ADAMTS16: variants seen among roughly 807,000 people sequenced by gnomAD.
ADAMTS16 encodes the protein A disintegrin and metalloproteinase with thrombospondin motifs 16.
A neutral mutation model predicts 145.8 loss-of-function variants in ADAMTS16; 94 were observed. That is an observed-to-expected ratio of 0.64 (90% CI 0.55 to 0.77). The LOEUF (loss-of-function observed/expected upper bound fraction) is 0.77, where lower values mean the gene tolerates loss of function less well. Among genes scored for constraint, ADAMTS16 ranks in the 30% least tolerant of loss-of-function variants. The probability of loss-of-function intolerance (pLI) is 0.00; values close to 1 mark genes in which losing one functional copy is unlikely to be tolerated. For synonymous variants in ADAMTS16, 659 were observed against 604.3 expected (o/e 1.09, Z -1.33); for missense variants, 1,585 against 1,591.5 (o/e 1.00, Z 0.07).
At chr5:5,223,847 G>C (rs1405141151) in intron 11 of ADAMTS16, 1 of 150,480 alleles carries the variant, frequency 6.6e-6, no homozygotes, top group Non-Finnish European at 1.5e-5. Flanking sequence ...AACTATTTTT[G>C]CTTTTTATGT....
chr5:5,241,349 G>A (rs1737285741), intron 16 of ADAMTS16, among the ~76,000 whole-genome samples: 1 of 152,216 alleles, frequency 6.6e-6, no homozygotes, highest in African/African-American at 2.4e-5. Context: ...GAAATGTAGA[G>A]TCCAAACCCA....
At chr5:5,284,119 C>T (rs4266372) in intron 18 of ADAMTS16, among the ~76,000 whole-genome samples, 148,133 of 152,298 alleles carry the variant, frequency 0.97, 72,173 homozygotes, top group East Asian at 1. Flanking sequence ...TTAGAAAACA[C>T]ACCATATATT....
Position 5,182,171 on chromosome 5 carries a change from A to T in ADAMTS16, c.629A>T (p.Glu210Val), listed in dbSNP as rs1428642740. The T allele has an allele frequency of 6.2e-7, 1 of 1,614,016 alleles. No homozygotes were observed. Among genetic ancestry groups the T allele is most frequent in the Non-Finnish European group, 8.5e-7 (1 of 1,180,036 alleles). ...CACGTACTGTACAAGAGATCCACAG[A>T]GCCCCATGCTCCTGGGGCCAGTGAG... is the stretch of plus-strand genomic sequence containing the variant. The part of the protein sequence containing the change: ...PSHVLYKRST[E>V]PHAPGASEVL... The change falls in exon 4 of 23, where the codon GAG (glutamate) becomes GTG (valine). Residue 210 changes from glutamate (E) to valine (V), a missense_variant. Glu to Val is a moderately radical substitution (Grantham distance 121). Transcript: ENST00000274181.
At chr5:5,301,874 G>A (rs568784758) in intron 18 of ADAMTS16, among the ~76,000 whole-genome samples, 6 of 152,296 alleles carry the variant, frequency 3.9e-5, no homozygotes, top group South Asian at 2.1e-4. Flanking sequence ...GCAGAGCCTC[G>A]CAGGCGACCC....
rs144922795 is a variant in ADAMTS16 at position 5,187,717 on chromosome 5, T to A, written c.964-8T>A. Reference sequence around the variant, plus strand: ...ATGGGGCTGACATGGATTTCCTGTCTTTTTCAGGTATCTGCTTTATTCAAA... The same window carrying A: ...ATGGGGCTGACATGGATTTCCTGTCATTTTCAGGTATCTGCTTTATTCAAA... On this transcript the variant is annotated splice_region_variant and splice_polypyrimidine_tract_variant and intron_variant, in intron 5 of 22. Coordinates refer to ENST00000274181, the MANE Select transcript of ADAMTS16 (RefSeq NM_139056.4). 2.2e-4 allele frequency: 357 copies of A among 1,603,808 alleles called. 4 individuals are homozygous for A. In the African/African-American group the frequency reaches 4.4e-3, roughly 20 times the overall value.
intron 13 of ADAMTS16, 21 bp downstream of exon 13, chr5:5,235,207 G>A (rs777126859): frequency 2.2e-5 from 34 of 1,544,682 alleles, no homozygotes; most frequent in Middle Eastern, 2.0e-4. Context: ...AACTGCTTTC[G>A]GGTAATAGCC....
At chr5:5,268,329 C>T (rs528092241) in intron 18 of ADAMTS16, among the ~76,000 whole-genome samples, 1 of 152,312 alleles carries the variant, frequency 6.6e-6, no homozygotes, top group Non-Finnish European at 1.5e-5. Flanking sequence ...TCAGGAGCTC[C>T]CCTGGGAGGA....
chr5:5,209,294 G>A (rs780480843), intron 10 of ADAMTS16, 48 bp downstream of exon 10: 4 of 1,594,850 alleles, frequency 2.5e-6, no homozygotes, highest in East Asian at 2.2e-5. Flanking sequence ...TCATAAGACT[G>A]TTTTATTTAG....
At chr5:5,231,423 T>C (rs1204211529) in intron 11 of ADAMTS16, among the ~76,000 whole-genome samples, 1 of 137,332 alleles carries the variant, frequency 7.3e-6, no homozygotes, top group African/African-American at 2.6e-5. Context: ...TTTCCTCCTA[T>C]GAAAGTAGCC....
chr5:5,305,067 ACACACACACACACATCCCACAC>A (rs1740009154), intron 20 of ADAMTS16, among the ~76,000 whole-genome samples: 8 of 63,104 alleles, frequency 1.3e-4, no homozygotes, highest in East Asian at 1.1e-3. Flanking sequence ...CCCACACCAC[ACACACACACACACATCCCACAC>A]CACACACACA....
chr5:5,188,882 C>T (rs1024463555), intron 6 of ADAMTS16, among the ~76,000 whole-genome samples: 5 of 152,094 alleles, frequency 3.3e-5, no homozygotes, highest in African/African-American at 9.7e-5. Context: ...TTAATTATTC[C>T]TGGTATTAAA....
intron 18 of ADAMTS16, among the ~76,000 whole-genome samples, chr5:5,294,391 ATC>A (rs1739447564): frequency 6.6e-6 from 1 of 152,198 alleles, no homozygotes; most frequent in Admixed American, 6.5e-5. Flanking sequence ...CAAGTCCAAA[ATC>A]TGCAGGACAG....
In ADAMTS16 at chr5:5,306,577, A is replaced by G. The variant is rs757724918; in HGVS notation, c.3260A>G (p.Tyr1087Cys). 6.2e-7 allele frequency: 1 copy of G among 1,614,250 alleles called. No homozygotes were observed. The highest frequency in any genetic ancestry group is 8.5e-7 in the Non-Finnish European group (1 of 1,180,060). ...GCTGAAAAGTATGTTTCTGGAAAGT[A>G]TCGAGAGCTGGCCTCAAAGAAGTGC... ...KCAEKYVSGK[Y>C]RELASKKCSH... Residue 1087 changes from tyrosine to cysteine, a missense_variant, in exon 21 of 23, where the codon TAT (tyrosine) becomes TGT (cysteine). Physicochemically the swap from Tyr to Cys is radical, Grantham distance 194. Around this residue, in one of 3 missense-constraint regions of ADAMTS16, gnomAD observed 834 missense variants for 811.7 expected, o/e 1.03. Coordinates refer to ENST00000274181, the MANE Select transcript of ADAMTS16 (RefSeq NM_139056.4).
chr5:5,259,120 C>A (rs1279870498), intron 17 of ADAMTS16, among the ~76,000 whole-genome samples: 5 of 152,160 alleles, frequency 3.3e-5, no homozygotes, highest in Non-Finnish European at 7.3e-5. Context: ...GGGACACTGA[C>A]AGCGATAATT....
intron 3 of ADAMTS16, among the ~76,000 whole-genome samples, chr5:5,174,519 T>C (rs1302558601): frequency 6.6e-6 from 1 of 152,160 alleles, no homozygotes; most frequent in Non-Finnish European, 1.5e-5. Flanking sequence ...AGTGCTCTGT[T>C]TTATTCCTTA....
intron 18 of ADAMTS16, among the ~76,000 whole-genome samples, chr5:5,297,436 A>C (rs6555345): frequency 0.5 from 75,908 of 152,138 alleles, 19,271 homozygotes; most frequent in Non-Finnish European, 0.52. Context: ...CCCTTTTAAA[A>C]GGGAATGCAA....
At chr5:5,198,015 C>T (rs1475433351) in intron 8 of ADAMTS16, among the ~76,000 whole-genome samples, 1 of 152,074 alleles carries the variant, frequency 6.6e-6, no homozygotes, top group Non-Finnish European at 1.5e-5. Flanking sequence ...AGACTTGATA[C>T]TAGAAAAAAA....
intron 18 of ADAMTS16, among the ~76,000 whole-genome samples, chr5:5,298,221 A>G (rs1393028079): frequency 6.6e-6 from 1 of 152,184 alleles, no homozygotes; most frequent in Non-Finnish European, 1.5e-5. Flanking sequence ...TTGATTTCTG[A>G]TATACTGACT....
chr5:5,239,037 G>C, intron 14 of ADAMTS16, 114 bp from the exon 15 acceptor site: 2 of 1,204,752 alleles, frequency 1.7e-6, no homozygotes, highest in East Asian at 2.8e-5. Context: ...ACTACCCTAT[G>C]TTGGTGAAAT....
Sources: gnomAD v4.1 joint callset for allele counts (sites outside exome capture counted in the v4.1 genomes callset) on GRCh38, gnomAD v4.1.1 for gene constraint, gnomAD v4.1.1 regional missense constraint, MANE v1.5 for transcripts, NCBI Gene and HGNC (gene_info 2026-07-23, HGNC 2026-07-21) for gene names.